KCNJ6: variants seen among roughly 807,000 people sequenced by gnomAD.
KCNJ6 encodes the protein G protein-activated inward rectifier potassium channel 2.
Under a neutral mutation model 34.2 loss-of-function variants are expected in KCNJ6, and 9 were observed. The observed-to-expected ratio is 0.26, with a 90% CI of 0.16 to 0.46. KCNJ6 has a LOEUF of 0.46. KCNJ6 is among the 20% of genes least tolerant of loss of function. The pLI, the probability that KCNJ6 is intolerant of heterozygous loss-of-function variation, is 1.00. For synonymous variants in KCNJ6, 196 were observed against 207.1 expected (o/e 0.95, Z 0.46); for missense variants, 236 against 531.3 (o/e 0.44, Z 5.46).
intron 1 of KCNJ6, among the ~76,000 whole-genome samples, chr21:37,894,849 A>G (rs1175052706): frequency 6.6e-6 from 1 of 152,222 alleles, no homozygotes; most frequent in Non-Finnish European, 1.5e-5. Context: ...TGTTAATGTG[A>G]GAGTGATAAT....
intron 2 of KCNJ6, among the ~76,000 whole-genome samples, chr21:37,788,645 A>T (rs2055203009): frequency 1.3e-5 from 2 of 152,198 alleles, no homozygotes; most frequent in South Asian, 4.1e-4. Flanking sequence ...AAGGTGTGTC[A>T]GTTCTTTTCC....
chr21:37,712,561 CCTTCTCCTCCTCTT>C (rs1276581705), intron 3 of KCNJ6, among the ~76,000 whole-genome samples: 2 of 94,936 alleles, frequency 2.1e-5, no homozygotes, highest in Non-Finnish European at 4.2e-5. Flanking sequence ...TCCCTCCTCC[CCTTCTCCTCCTCTT>C]CTTCCTCCCT....
intron 2 of KCNJ6, among the ~76,000 whole-genome samples, chr21:37,743,464 G>T (rs2054950920): frequency 6.6e-6 from 1 of 152,152 alleles, no homozygotes; most frequent in African/African-American, 2.4e-5. Flanking sequence ...CACTGTGATG[G>T]TACTAAGAGG....
chr21:37,904,585 C>A (rs1472788856), intron 1 of KCNJ6, among the ~76,000 whole-genome samples: 1 of 152,034 alleles, frequency 6.6e-6, no homozygotes, highest in Non-Finnish European at 1.5e-5. Context: ...TCCACATAAA[C>A]CCCATTTTAT....
At chr21:37,887,873 C>A (rs570731549) in intron 1 of KCNJ6, among the ~76,000 whole-genome samples, 1 of 152,218 alleles carries the variant, frequency 6.6e-6, no homozygotes, top group African/African-American at 2.4e-5. Context: ...AGGAAAGTCA[C>A]GGGAGCTGGG....
chr21:37,648,057 G>T (rs2054413871), intron 3 of KCNJ6, among the ~76,000 whole-genome samples: 2 of 152,218 alleles, frequency 1.3e-5, no homozygotes, highest in Admixed American at 6.5e-5. Flanking sequence ...TTCCAGCCTG[G>T]GTTAGCCAGG....
Position 37,613,770 on chromosome 21 carries a change from G to A in KCNJ6, c.*11389C>T, listed in dbSNP as rs1178671931. 6.6e-6 allele frequency: 1 copy of A among 152,236 alleles called. No individual in the cohort carries two copies. Among genetic ancestry groups the A allele is most frequent in the Non-Finnish European group, 1.5e-5 (1 of 68,062 alleles). The allele number at this position is 152,236 out of a possible 1,614,324, so 9.4% of individuals were successfully genotyped here. On this transcript the variant is annotated 3_prime_UTR_variant, in exon 4 of 4. Coordinates refer to ENST00000609713, the MANE Select transcript of KCNJ6 (RefSeq NM_002240.5). ...GTTGCCAGGGGTTGGGAGGACACAA[G>A]ATGAATTGGGAGAGCACAGAGGATT...
At chr21:37,859,975 G>A (rs551377307) in intron 1 of KCNJ6, among the ~76,000 whole-genome samples, 1 of 151,930 alleles carries the variant, frequency 6.6e-6, no homozygotes, top group Non-Finnish European at 1.5e-5. Flanking sequence ...CCTTTACCCT[G>A]CTGGTCCCTT....
At chr21:37,678,098 G>A (rs1335423736) in intron 3 of KCNJ6, among the ~76,000 whole-genome samples, 1 of 152,132 alleles carries the variant, frequency 6.6e-6, no homozygotes, top group African/African-American at 2.4e-5. Flanking sequence ...GGGCCAAACA[G>A]AAGCCGGCTA....
At chr21:37,792,099 G>C (rs2055219666) in intron 2 of KCNJ6, among the ~76,000 whole-genome samples, 1 of 152,198 alleles carries the variant, frequency 6.6e-6, no homozygotes, top group African/African-American at 2.4e-5. Flanking sequence ...AATACACAGA[G>C]GTGCACATTC....
intron 2 of KCNJ6, among the ~76,000 whole-genome samples, chr21:37,790,656 G>A (rs1413446662): frequency 6.6e-6 from 1 of 152,204 alleles, no homozygotes; most frequent in Non-Finnish European, 1.5e-5. Flanking sequence ...TAGAACCAGT[G>A]TGGATTTCTG....
intron 2 of KCNJ6, among the ~76,000 whole-genome samples, chr21:37,728,581 T>C (rs1030116461): frequency 1.3e-5 from 2 of 152,200 alleles, no homozygotes; most frequent in South Asian, 2.1e-4. Flanking sequence ...TACGATGCTA[T>C]AGCTCCAGAC....
At chr21:37,740,205 A>G (rs1156582519) in intron 2 of KCNJ6, among the ~76,000 whole-genome samples, 2 of 152,232 alleles carry the variant, frequency 1.3e-5, no homozygotes, top group Non-Finnish European at 2.9e-5. Flanking sequence ...GGGCTCTCCT[A>G]AAATTTAACC....
rs138356854 is a variant in KCNJ6, at chr21:37,889,912, A to G, written c.-28+25972T>C. Among the ~76,000 whole-genome samples, 1,337 of 152,350 alleles carry G rather than the reference A, an allele frequency of 8.8e-3. 14 individuals are homozygous for G. The highest frequency in any genetic ancestry group is 0.031 in the African/African-American group (1,285 of 41,574). On this transcript the variant is annotated intron_variant, in intron 1 of 3. Transcript: ENST00000609713. ...CCTATTTCCAGGTAAAGCCACATGC[A>G]TAGGTACCAGGCATTAGGCCTTGAG...
At chr21:37,725,158 T>TA (rs1461531496) in intron 2 of KCNJ6, among the ~76,000 whole-genome samples, 4 of 152,100 alleles carry the variant, frequency 2.6e-5, no homozygotes, top group African/African-American at 9.7e-5. Flanking sequence ...GAGTTTCTGA[T>TA]AGAAGGAATA....
At chr21:37,754,821 G>A (rs2055015619) in intron 2 of KCNJ6, among the ~76,000 whole-genome samples, 1 of 152,196 alleles carries the variant, frequency 6.6e-6, no homozygotes, top group South Asian at 2.1e-4. Flanking sequence ...CTTCCTTTAA[G>A]ATTAGGAGTG....
chr21:37,816,287 T>G (rs139019151), intron 2 of KCNJ6, among the ~76,000 whole-genome samples: 28 of 152,298 alleles, frequency 1.8e-4, no homozygotes, highest in African/African-American at 6.0e-4. Flanking sequence ...CGGTTTACAT[T>G]CCTGATGTTC....
At chr21:37,862,394 T>C (rs1377965116) in intron 1 of KCNJ6, among the ~76,000 whole-genome samples, 5 of 152,276 alleles carry the variant, frequency 3.3e-5, no homozygotes, top group African/African-American at 1.2e-4. Flanking sequence ...CAGGCATGCA[T>C]GCATGTATAC....
At chr21:37,797,769 C>T (rs1490363685) in intron 2 of KCNJ6, among the ~76,000 whole-genome samples, 9 of 152,204 alleles carry the variant, frequency 5.9e-5, no homozygotes, top group Non-Finnish European at 1.2e-4. Context: ...CTCCCTGCTC[C>T]ATCCCACGTT....
Sources: gnomAD v4.1 joint callset for allele counts (sites outside exome capture counted in the v4.1 genomes callset) on GRCh38, gnomAD v4.1.1 for gene constraint, MANE v1.5 for transcripts, NCBI Gene and HGNC (gene_info 2026-07-23, HGNC 2026-07-21) for gene names.